Variants in CCDC30 observed in about 807,000 individuals in gnomAD.
CCDC30 encodes coiled-coil domain-containing protein 30.
A neutral mutation model predicts 100.2 loss-of-function variants in CCDC30; 70 were observed. The ratio of observed to expected loss-of-function variants is 0.70; its 90% confidence interval spans 0.58 to 0.85. CCDC30 has a LOEUF of 0.85. Among genes scored for constraint, CCDC30 ranks in the 40% least tolerant of loss-of-function variants. The pLI is 0.00. For synonymous variants in CCDC30, 233 were observed against 269.5 expected (o/e 0.86, Z 1.33); for missense variants, 652 against 771.2 (o/e 0.85, Z 1.83).
chr1:42,584,058 A>C (rs1190032559), intron 9 of CCDC30, among the ~76,000 whole-genome samples: 1 of 152,216 alleles, frequency 6.6e-6, no homozygotes, highest in Non-Finnish European at 1.5e-5. Flanking sequence ...CGTCATGCCA[A>C]GGTGAGCAGC....
intron 7 of CCDC30, among the ~76,000 whole-genome samples, chr1:42,576,658 A>G (rs894820234): frequency 2.6e-5 from 4 of 152,260 alleles, no homozygotes; most frequent in African/African-American, 9.6e-5. Context: ...TTGGTGTCAC[A>G]GAATGCTACT....
the CCDC30 span, chr1:42,456,976 G>A: frequency 1.2e-6 from 2 of 1,603,324 alleles, no homozygotes; most frequent in South Asian, 1.1e-5. Flanking sequence ...GCTACCAGGA[G>A]GCTGCGGCTG....
chr1:42,547,033 C>T (rs920407883), intron 6 of CCDC30, among the ~76,000 whole-genome samples: 29 of 152,062 alleles, frequency 1.9e-4, no homozygotes, highest in African/African-American at 6.5e-4. Context: ...GATTATTTTG[C>T]GAGTTTGGGG....
Position 42,635,987 on chromosome 1 carries a change from T to A in CCDC30, c.1278-1250T>A, listed in dbSNP as rs557266644. ...TTTACTCTAGCCATCCTAGTGCGTG[T>A]GAAGCAGTATCTCATTGTGCTTTTG... On this transcript the variant is annotated intron_variant, in intron 11 of 16. Coordinates refer to ENST00000668663, the Ensembl canonical transcript of CCDC30. Among the ~76,000 whole-genome samples, 7 of 152,352 alleles carry A rather than the reference T, an allele frequency of 4.6e-5. 1 individual carries two copies. The South Asian group carries it at 1.4e-3, about 32-fold the overall frequency.
chr1:42,523,500 T>A (rs770135735), intron 6 of CCDC30, among the ~76,000 whole-genome samples: 3 of 152,212 alleles, frequency 2.0e-5, no homozygotes, highest in Non-Finnish European at 4.4e-5. Flanking sequence ...TGCTTCTCTC[T>A]TGCTGCTTTC....
chr1:42,511,047 G>A (rs1644470343), intron 6 of CCDC30, among the ~76,000 whole-genome samples: 3 of 152,072 alleles, frequency 2.0e-5, no homozygotes, highest in African/African-American at 7.2e-5. Flanking sequence ...AGAAAGAGAA[G>A]CGAGAAAAAG....
At chr1:42,472,106 T>G (rs1243860996) in intron 1 of CCDC30, among the ~76,000 whole-genome samples, 1 of 152,126 alleles carries the variant, frequency 6.6e-6, no homozygotes, top group South Asian at 2.1e-4. Flanking sequence ...ATACAAAAAT[T>G]AGCCAGGTGT....
chr1:42,519,214 G>A (rs4660640), intron 6 of CCDC30, among the ~76,000 whole-genome samples: 2 of 152,088 alleles, frequency 1.3e-5, no homozygotes, highest in African/African-American at 4.8e-5. Flanking sequence ...TTTCATCAAC[G>A]TTCTTAAGGG....
intron 14 of CCDC30, among the ~76,000 whole-genome samples, chr1:42,645,581 T>C (rs1328250504): frequency 1.3e-5 from 2 of 152,204 alleles, no homozygotes; most frequent in Admixed American, 6.5e-5. Context: ...AGATACTGGA[T>C]AGTAGATCCT....
chr1:42,651,133 C>A (rs575049649), intron 15 of CCDC30, among the ~76,000 whole-genome samples: 1 of 152,256 alleles, frequency 6.6e-6, no homozygotes, highest in Non-Finnish European at 1.5e-5. Flanking sequence ...TAGAAGAACA[C>A]TACATAGGGG....
chr1:42,541,686 T>C (rs1557838061), intron 6 of CCDC30, among the ~76,000 whole-genome samples: 1 of 152,266 alleles, frequency 6.6e-6, no homozygotes, highest in Non-Finnish European at 1.5e-5. Context: ...TTTGAGACTA[T>C]GTGTTATGTT....
chr1:42,577,780 A>T (rs1172791777), intron 8 of CCDC30, among the ~76,000 whole-genome samples: 1 of 151,928 alleles, frequency 6.6e-6, no homozygotes, highest in Non-Finnish European at 1.5e-5. Flanking sequence ...AGCTGGGACT[A>T]CAGGCGTCCA....
At chr1:42,523,703 C>G (rs1180562473) in intron 6 of CCDC30, among the ~76,000 whole-genome samples, 1 of 152,138 alleles carries the variant, frequency 6.6e-6, no homozygotes, top group African/African-American at 2.4e-5. Flanking sequence ...TTCTGGGACT[C>G]CCCAGTGTGT....
At chr1:42,595,029 T>C (rs201907673) in intron 10 of CCDC30, 1 of 151,652 alleles carries the variant, frequency 6.6e-6, no homozygotes, top group African/African-American at 2.4e-5. Context: ...TTTTTTTTTT[T>C]CAGATTGGTT....
At chr1:42,502,175 C>A (rs976255648) in intron 6 of CCDC30, among the ~76,000 whole-genome samples, 14 of 152,278 alleles carry the variant, frequency 9.2e-5, no homozygotes, top group African/African-American at 3.4e-4. Context: ...CCTCCCCAAG[C>A]CTCACTGCTG....
intron 9 of CCDC30, 55 bp from the exon 14 acceptor site, chr1:42,589,266 T>A (rs2148606188): frequency 7.0e-7 from 1 of 1,420,728 alleles, no homozygotes; most frequent in East Asian, 2.3e-5. Context: ...AAATTTTAGG[T>A]CTGAATTTCA....
chr1:42,493,677 T>C (rs72637934), intron 4 of CCDC30, among the ~76,000 whole-genome samples: 30,662 of 152,034 alleles, frequency 0.2, 3,365 homozygotes, highest in South Asian at 0.42. Flanking sequence ...AAGAACAACA[T>C]TGATAAACTT....
In CCDC30 at chr1:42,651,786, A is replaced by C. The variant is rs1648375638; in HGVS notation, c.1855-1590A>C. On this transcript the variant is annotated intron_variant, in intron 15 of 16. Coordinates refer to ENST00000668663, the Ensembl canonical transcript of CCDC30. ...CTTCTCAGGAGGCTGAGGTGTGAGG[A>C]TTCCTTAAGCCCAGGAGGTCAAGGC... Among the ~76,000 whole-genome samples the C allele has an allele frequency of 1.3e-5, 2 of 152,166 alleles. 1 individual carries two copies. The highest frequency in any genetic ancestry group is 4.1e-4 in the South Asian group (2 of 4,834).
chr1:42,456,283 A>C, the CCDC30 span: 1 of 597,436 alleles, frequency 1.7e-6, no homozygotes, highest in Non-Finnish European at 3.0e-6. Flanking sequence ...GTAAGGGTCA[A>C]ACATGGCCAG....
Sources: allele counts gnomAD v4.1 joint callset (sites outside exome capture counted in the v4.1 genomes callset), GRCh38; gene constraint gnomAD v4.1.1; transcripts MANE v1.5; gene names NCBI Gene and HGNC (gene_info 2026-07-23, HGNC 2026-07-21).